EXOC3L4: variants seen among roughly 807,000 people sequenced by gnomAD.
EXOC3L4 encodes exocyst complex component 3 like 4.
In EXOC3L4, 62 loss-of-function variants were observed where a neutral mutation model predicts 69.7. The ratio of observed to expected loss-of-function variants is 0.89; its 90% CI spans 0.72 to 1.10. The LOEUF is 1.10. EXOC3L4 is among the 50% of genes least tolerant of loss of function. EXOC3L4 has a pLI of 0.00. For missense variants in EXOC3L4, 1,087 were observed against 1,034.8 expected (o/e 1.05, Z -0.69); for synonymous variants, 502 against 464.2 (o/e 1.08, Z -1.05).
chr14:103,108,097 G>A (rs914385438), intron 10 of EXOC3L4, among the ~76,000 whole-genome samples: 1 of 152,178 alleles, frequency 6.6e-6, no homozygotes, highest in African/African-American at 2.4e-5. Flanking sequence ...AGGCACCAGC[G>A]CCCCTGCACA....
chr14:103,110,364 G>A lies in EXOC3L4; in HGVS notation c.*141G>A, dbSNP rs753503874. On this transcript the variant is annotated 3_prime_UTR_variant, in exon 12 of 12. Coordinates refer to ENST00000688303, the MANE Select transcript of EXOC3L4 (RefSeq NM_001077594.2). ...GGGAATTTTTGTCGTCAGCAGCCAAGCGCAGCTGTCAGGCCAGAAGGAGCA... is the reference window on the plus strand; with the variant it reads ...GGGAATTTTTGTCGTCAGCAGCCAAACGCAGCTGTCAGGCCAGAAGGAGCA... The A allele has an allele frequency of 5.8e-4, 600 of 1,028,980 alleles. 3 individuals carry two copies. Among genetic ancestry groups the A allele is most frequent in the Non-Finnish European group, 7.8e-4 (533 of 685,704 alleles). 63.7% of individuals were successfully genotyped at this position (1,028,980 alleles called of 1,614,324 possible). A position where few individuals can be genotyped will look rare whatever the true frequency, so the allele number is the denominator to read the frequency against.
rs756787699 is a variant in EXOC3L4 at position 103,110,139 on chromosome 14, G to A, written c.2085G>A (p.Ala695=). The part of the protein sequence containing the change: ...QDLLRAAAGA[A]GAEAPRGRVL... ...TGCTGAGAGCTGCGGCCGGGGCGGC[G>A]GGTGCGGAGGCCCCTCGGGGCCGCG... Residue 695 remains alanine, a synonymous_variant, in exon 12 of 12, where the codon GCG becomes GCA. Coordinates refer to ENST00000688303, the MANE Select transcript of EXOC3L4 (RefSeq NM_001077594.2). 1.3e-4 allele frequency: 202 copies of A among 1,550,918 alleles called. 2 individuals carry two copies. The Middle Eastern group carries it at 7.4e-3, about 57-fold the overall frequency.
intron 11 of EXOC3L4, among the ~76,000 whole-genome samples, chr14:103,108,725 G>A (rs1890727756): frequency 6.6e-6 from 1 of 152,082 alleles, no homozygotes; most frequent in African/African-American, 2.4e-5. Context: ...TCCTCCATCA[G>A]CCCCACCAGG....
At chr14:103,103,793 C>CGTGTGTGTGTGTGTGT (rs775120339) in intron 3 of EXOC3L4, 148 bp from the exon 4 acceptor site, 24 of 454,122 alleles carry the variant, frequency 5.3e-5, no homozygotes, top group African/African-American at 3.8e-4. Context: ...TAGAGGCGCG[C>CGTGTGTGTGTGTGTGT]GCGCGTGTGT....
Position 103,104,405 on chromosome 14 carries a change from A to G in EXOC3L4, c.1284+16A>G, listed in dbSNP as rs1890414119. 6.5e-7 allele frequency: 1 copy of G among 1,541,584 alleles called. No individual in the cohort carries two copies. Among genetic ancestry groups the G allele is most frequent in the Non-Finnish European group, 8.7e-7 (1 of 1,144,604 alleles). ...CGTCCATATGGTGCGGCCCGGGAGC[A>G]GGGGCTGAGAAGGGGCGTCTGTTCA... On this transcript the variant is annotated intron_variant, in intron 5 of 11. Coordinates refer to ENST00000688303, the MANE Select transcript of EXOC3L4 (RefSeq NM_001077594.2).
intron 1 of EXOC3L4, among the ~76,000 whole-genome samples, chr14:103,099,835 C>T (rs952310970): frequency 3.3e-5 from 5 of 152,300 alleles, no homozygotes; most frequent in African/African-American, 4.8e-5. Flanking sequence ...GTCCTGCCCT[C>T]GGGTGTTGTG....
rs866655638 is a variant in EXOC3L4, at chr14:103,105,345, G to A, written c.1466+273G>A. 2.7e-5 allele frequency among the ~76,000 whole-genome samples: 4 copies of A among 149,904 alleles called. No homozygotes were observed. The Middle Eastern group carries it at 0.01, about 388-fold the overall frequency. On this transcript the variant is annotated intron_variant, in intron 7 of 11. Coordinates refer to ENST00000688303, the MANE Select transcript of EXOC3L4 (RefSeq NM_001077594.2). ...CTGAGGCTGTGTGTGTGCGTGTTTG[G>A]CAGAGCTGAGGGCTGTGTGTGTGTG...
chr14:103,104,808 G>C lies in EXOC3L4; in HGVS notation c.1355G>C (p.Cys452Ser). 1 of 1,514,564 alleles carries C rather than the reference G, an allele frequency of 6.6e-7. No individual in the cohort carries two copies. The highest frequency in any genetic ancestry group is 8.9e-7 in the Non-Finnish European group (1 of 1,125,044). 93.8% of individuals were successfully genotyped at this position (1,514,564 alleles called of 1,614,324 possible). The change falls in exon 6 of 12, where the codon TGC (cysteine) becomes TCC (serine). Residue 452 changes from cysteine to serine, a missense_variant. By Grantham distance (112) the Cys-to-Ser change is moderately radical. Coordinates refer to ENST00000688303, the MANE Select transcript of EXOC3L4 (RefSeq NM_001077594.2). ...AELEATTLRI[C>S]TRALGLFVPR... ...CTGGAGGCCACCACCCTGCGAATCT[G>C]CACGCGGGCGCTCGGCCTCTTCGTG...
chr14:103,106,728 T>C (rs1890571369), intron 7 of EXOC3L4, 57 bp from the exon 8 acceptor site: 1 of 1,120,896 alleles, frequency 8.9e-7, no homozygotes, highest in South Asian at 1.5e-5. Flanking sequence ...TGCCCGGCTC[T>C]ATTCCCCAGC....
At chr14:103,107,848 G>T (rs777329184) in intron 10 of EXOC3L4, 65 bp downstream of exon 10, 6 of 1,453,804 alleles carry the variant, frequency 4.1e-6, no homozygotes, top group South Asian at 2.9e-5. Context: ...AGTGACTAGG[G>T]CCTTAGCGCC....
chr14:103,109,954 C>G, intron 11 of EXOC3L4, 77 bp from the exon 12 acceptor site: 3 of 1,438,576 alleles, frequency 2.1e-6, no homozygotes, highest in Non-Finnish European at 2.8e-6. Flanking sequence ...CTCCCAAGCC[C>G]GTGGGTTCGC....
rs1430644953 is a variant in EXOC3L4, at chr14:103,102,410, CG to C, written c.688del (p.Asp230ThrfsTer205). 3 of 1,532,932 alleles carry C rather than the reference CG, an allele frequency of 2.0e-6. No individual in the cohort carries two copies. Among genetic ancestry groups the C allele is most frequent in the Non-Finnish European group, 2.6e-6 (3 of 1,148,406 alleles). 95.0% of individuals were successfully genotyped at this position (1,532,932 alleles called of 1,614,324 possible). The part of the protein sequence containing the change: ...AEEEAHPSPP[D>X]DGDFLRTPRR... ...AGGAGGAAGCCCACCCTTCTCCCCC[CG>C]ACGACGGCGACTTCCTGCGCACGCC... On this transcript the variant is annotated frameshift_variant, in exon 3 of 12. Transcript: ENST00000688303. LOFTEE classifies it high-confidence loss of function.
Position 103,102,253 on chromosome 14 carries a change from G to T in EXOC3L4, c.530G>T (p.Arg177Leu). Reference protein sequence around the residue: ...TFEQDPTAFARRAMDVCLLYD... With the variant: ...TFEQDPTAFALRAMDVCLLYD... ...GAGCAGGACCCTACGGCCTTCGCGC[G>T]GCGCGCTATGGACGTGTGCCTGCTT... The change falls in exon 3 of 12, where the codon CGG becomes CTG. Residue 177 changes from arginine (R) to leucine (L), a missense_variant. Transcript: ENST00000688303. 6.9e-6 allele frequency: 11 copies of T among 1,586,480 alleles called. No homozygotes were observed. Among genetic ancestry groups the T allele is most frequent in the Non-Finnish European group, 9.4e-6 (11 of 1,168,444 alleles).
At position 103,094,759 on chromosome 14, in the gene EXOC3L4, C is replaced by G. The variant is rs1889818187; in HGVS notation, c.-98C>G. ...TCAGGCTGCTCTAGAGGCCCCATAG[C>G]CAGGGCCCGGCTCTGAGGGCCCCAC... On this transcript the variant is annotated 5_prime_UTR_variant, in exon 1 of 12. Transcript: ENST00000688303. 6.6e-6 allele frequency: 1 copy of G among 152,418 alleles called. No homozygotes were observed. The highest frequency in any genetic ancestry group is 2.4e-5 in the African/African-American group (1 of 41,470). The allele number at this position is 152,418 out of a possible 1,614,324, so 9.4% of individuals were successfully genotyped here. A position where few individuals can be genotyped will look rare whatever the true frequency, so the allele number is the denominator to read the frequency against.
chr14:103,102,144 A>C lies in EXOC3L4; in HGVS notation c.421A>C (p.Thr141Pro). The C allele has an allele frequency of 6.2e-7, 1 of 1,606,240 alleles. No individual in the cohort carries two copies. Among genetic ancestry groups the C allele is most frequent in the Non-Finnish European group, 8.5e-7 (1 of 1,176,984 alleles). ...AEGKSVADLI[T>P]ERQLLAAFEQ... is the part of the protein sequence containing the mutation. The stretch of plus-strand genomic sequence containing the variant: ...AGGCAAATCCGTGGCCGACCTCATT[A>C]CTGAACGGCAACTGCTGGCGGCCTT... The change falls in exon 3 of 12, where the codon ACT (threonine) becomes CCT (proline). Residue 141 changes from threonine to proline, a missense_variant. Coordinates refer to ENST00000688303, the MANE Select transcript of EXOC3L4 (RefSeq NM_001077594.2).
At chr14:103,108,132 C>G (rs1310379858) in intron 10 of EXOC3L4, among the ~76,000 whole-genome samples, 5 of 152,174 alleles carry the variant, frequency 3.3e-5, no homozygotes, top group African/African-American at 1.2e-4. Flanking sequence ...CCTAGCAGTG[C>G]TTTCAGGCTG....
rs1340829630 is a variant in EXOC3L4 at position 103,107,723 on chromosome 14, G to T, written c.1794G>T (p.Met598Ile). The T allele has an allele frequency of 6.4e-7, 1 of 1,551,238 alleles. No homozygotes were observed. Among genetic ancestry groups the T allele is most frequent in the African/African-American group, 1.4e-5 (1 of 73,546 alleles). ...AGCGGTTCCGGGGCATGGAGCGCAT[G>T]CATGGCTCCCAGAAGATGAGCCTGG... ...PRERFRGMERMHGSQKMSLDA... is the reference protein window; with the variant it reads ...PRERFRGMERIHGSQKMSLDA... The change falls in exon 10 of 12, where the codon ATG (methionine) becomes ATT (isoleucine). Residue 598 changes from methionine to isoleucine, a missense_variant. Transcript: ENST00000688303.
chr14:103,101,727 G>C (rs1428508645), intron 2 of EXOC3L4, among the ~76,000 whole-genome samples: 1 of 152,232 alleles, frequency 6.6e-6, no homozygotes, highest in Non-Finnish European at 1.5e-5. Context: ...GGAGCAGCAG[G>C]AATGTAAAGC....
At position 103,108,541 on chromosome 14, in the gene EXOC3L4, T is replaced by C. The variant is rs749739825; in HGVS notation, c.1976+24T>C. On this transcript the variant is annotated intron_variant, in intron 11 of 11. Transcript: ENST00000688303. ...AGGTGTGTACCCCACCTGCTTCCAC[T>C]AGCTTCCTACCAGAGCTTCAGGGCC... is the stretch of plus-strand genomic sequence containing the variant. 12 of 1,608,360 alleles carry C rather than the reference T, an allele frequency of 7.5e-6. 1 individual carries two copies. The highest frequency in any genetic ancestry group is 1.0e-5 in the Non-Finnish European group (12 of 1,176,610).
Sources: gnomAD v4.1 joint callset for allele counts (sites outside exome capture counted in the v4.1 genomes callset) on GRCh38, gnomAD v4.1.1 for gene constraint, MANE v1.5 for transcripts, NCBI Gene and HGNC (gene_info 2026-07-23, HGNC 2026-07-21) for gene names.